Variants in SIRPB2 observed in about 807,000 individuals in gnomAD.
SIRPB2 encodes the protein signal regulatory protein beta 2.
In SIRPB2, 18 loss-of-function variants were observed where a neutral mutation model predicts 27.1. The observed-to-expected ratio is 0.66, with a 90% CI of 0.46 to 0.98. SIRPB2 has a LOEUF of 0.98. SIRPB2 is among the 50% of genes least tolerant of loss of function. SIRPB2 has a pLI of 0.00. For synonymous variants in SIRPB2, 150 were observed against 164.6 expected, an observed-to-expected ratio of 0.91 and a Z score of 0.68; for missense variants, 420 against 417.4, an observed-to-expected ratio of 1.01 and a Z score of -0.06.
intron 1 of SIRPB2, among the ~76,000 whole-genome samples, chr20:1,488,631 G>C (rs979297966): frequency 8.2e-6 from 1 of 122,184 alleles, no homozygotes; most frequent in African/African-American, 3.2e-5. Context: ...CTGGGCAACA[G>C]AGTGAGACCC....
At chr20:1,478,173 G>T in intron 3 of SIRPB2, 93 bp downstream of exon 3, 2 of 1,135,604 alleles carry the variant, frequency 1.8e-6, no homozygotes, top group Non-Finnish European at 1.3e-6. Flanking sequence ...AGACATGGAG[G>T]CTGTGAAGAA....
At chr20:1,483,341 AG>A (rs34459613) in intron 1 of SIRPB2, among the ~76,000 whole-genome samples, 16,423 of 152,168 alleles carry the variant, frequency 0.11, 997 homozygotes, top group Admixed American at 0.18. Context: ...CCCTGACCTC[AG>A]GTGATCTGCC....
chr20:1,480,963 A>G (rs189488883), intron 1 of SIRPB2, among the ~76,000 whole-genome samples: 36 of 152,264 alleles, frequency 2.4e-4, no homozygotes, highest in African/African-American at 8.2e-4. Context: ...TTATCAGCAG[A>G]CTGCAGTTCG....
downstream of SIRPB2, chr20:1,473,760 C>G (rs906201525): frequency 4.2e-5 from 19 of 452,894 alleles, no homozygotes; most frequent in Non-Finnish European, 7.6e-5. Flanking sequence ...CCCTACAGGG[C>G]TAGGGGGCTT....
chr20:1,476,430 TGCTGTATAACCTCTGGA>T, intron 4 of SIRPB2, 94 bp from the exon 5 acceptor site: 2 of 1,272,018 alleles, frequency 1.6e-6, no homozygotes, highest in Non-Finnish European at 2.2e-6. Flanking sequence ...CACATCCTGC[TGCTGTATAACCTCTGGA>T]GCTGTATCCT....
At position 1,476,368 on chromosome 20, in the gene SIRPB2, C is replaced by A. The variant is rs184748088; in HGVS notation, c.860-32G>T. Reference sequence around the variant, plus strand: ...GGCACAGGAGAGAGCTCAGGCGGGACCCGTGGTGAGGGCCCCACAGCCCAC... The same window carrying A: ...GGCACAGGAGAGAGCTCAGGCGGGAACCGTGGTGAGGGCCCCACAGCCCAC... On this transcript the variant is annotated intron_variant, in intron 4 of 4. Transcript: ENST00000359801. The A allele has an allele frequency of 3.8e-4, 612 of 1,591,808 alleles. 6 individuals are homozygous for A. The Admixed American group carries it at 9.9e-3, about 26-fold the overall frequency.
At chr20:1,480,234 G>GCTCAGTTCTCTCTCTGC in intron 1 of SIRPB2, 169 bp from the exon 2 acceptor site, 1 of 861,978 alleles carries the variant, frequency 1.2e-6, no homozygotes, top group Non-Finnish European at 1.7e-6. Flanking sequence ...TGGCTGCAGA[G>GCTCAGTTCTCTCTCTGC]AGAGAACTGA....
rs6131551 is a variant in SIRPB2 at position 1,479,689 on chromosome 20, C to T, written c.451+11G>A. On this transcript the variant is annotated intron_variant, in intron 2 of 4. Coordinates refer to ENST00000359801, the MANE Select transcript of SIRPB2 (RefSeq NM_001122962.2). ...GGAGCAAATGTGTGGTCTGCAGGGCCTGATCCTTACCCTTCACAAGCACTG... is the reference window on the plus strand; with the variant it reads ...GGAGCAAATGTGTGGTCTGCAGGGCTTGATCCTTACCCTTCACAAGCACTG... 6.2e-7 allele frequency: 1 copy of T among 1,612,676 alleles called. No homozygotes were observed. The highest frequency in any genetic ancestry group is 8.5e-7 in the Non-Finnish European group (1 of 1,179,214).
rs370836101 is a variant in SIRPB2 at position 1,482,072 on chromosome 20, T to TA, written c.86-2008dup. Reference sequence around the variant, plus strand: ...TAAAAGCAAGGCCCCAAACTGATTTTAAAAAAAAATAACATTCTATTGTGA... The same window carrying TA: ...TAAAAGCAAGGCCCCAAACTGATTTTAAAAAAAAAATAACATTCTATTGTGA... On this transcript the variant is annotated intron_variant, in intron 1 of 4. Transcript: ENST00000359801. Among the ~76,000 whole-genome samples, 995 of 151,354 alleles carry TA rather than the reference T, an allele frequency of 6.6e-3. 19 individuals are homozygous for TA. The highest frequency in any genetic ancestry group is 0.022 in the African/African-American group (925 of 41,320).
At chr20:1,476,664 T>C (rs1422301164) in intron 4 of SIRPB2, 1 of 1,011,958 alleles carries the variant, frequency 9.9e-7, no homozygotes, top group Non-Finnish European at 1.2e-6. Context: ...AGACCCAGAG[T>C]GGGGAAATGA....
intron 1 of SIRPB2, among the ~76,000 whole-genome samples, chr20:1,490,902 C>T (rs1468987282): frequency 1.3e-5 from 2 of 152,168 alleles, no homozygotes; most frequent in Non-Finnish European, 2.9e-5. Flanking sequence ...ACTATGCAGC[C>T]GGCCCAGGGC....
In SIRPB2 at chr20:1,478,442, T is replaced by C. The variant is rs55693815; in HGVS notation, c.617A>G (p.Asn206Ser). 1 of 1,614,160 alleles carries C rather than the reference T, an allele frequency of 6.2e-7. No homozygotes were observed. Among genetic ancestry groups the C allele is most frequent in the African/African-American group, 1.3e-5 (1 of 75,042 alleles). The change falls in exon 3 of 5, where the codon AAC becomes AGC. Residue 206 changes from asparagine to serine, a missense_variant. Coordinates refer to ENST00000359801, the MANE Select transcript of SIRPB2 (RefSeq NM_001122962.2). ...CTTGGGGTGGGAGATGCCTCCAAAGTTGTAAATGGCCTCCCGGCTCAGACC... is the reference window on the plus strand; with the variant it reads ...CTTGGGGTGGGAGATGCCTCCAAAGCTGTAAATGGCCTCCCGGCTCAGACC... ...GAGLSREAIY[N>S]FGGISHPKET... is the part of the protein sequence containing the mutation.
downstream of SIRPB2, among the ~76,000 whole-genome samples, chr20:1,474,400 G>A (rs1298793320): frequency 6.6e-6 from 1 of 152,092 alleles, no homozygotes; most frequent in Non-Finnish European, 1.5e-5. Flanking sequence ...CGCTGGCTTA[G>A]TTCAAGCTGT....
At chr20:1,487,064 A>G (rs527705247) in intron 1 of SIRPB2, among the ~76,000 whole-genome samples, 1 of 152,346 alleles carries the variant, frequency 6.6e-6, no homozygotes, top group East Asian at 1.9e-4. Flanking sequence ...CATAATTAAA[A>G]TTTAAATGAA....
chr20:1,472,292 G>C (rs986551568), downstream of SIRPB2, among the ~76,000 whole-genome samples: 1 of 152,154 alleles, frequency 6.6e-6, no homozygotes, highest in Non-Finnish European at 1.5e-5. Context: ...GAGTCCCCAC[G>C]AAGGGCCTTA....
chr20:1,483,254 A>G lies in SIRPB2; in HGVS notation c.86-3189T>C, dbSNP rs114365716. Among the ~76,000 whole-genome samples the G allele has an allele frequency of 7.4e-3, 1,133 of 152,118 alleles. 25 individuals are homozygous for G. Among genetic ancestry groups the G allele is most frequent in the African/African-American group, 0.026 (1,098 of 41,506 alleles). On this transcript the variant is annotated intron_variant, in intron 1 of 4. Coordinates refer to ENST00000359801, the MANE Select transcript of SIRPB2 (RefSeq NM_001122962.2). ...CCTGAGTAGCTGGGATTACAGGCAC[A>G]TGACACTACACTTGGCTAATGTTTG...
At chr20:1,478,220 A>T in intron 3 of SIRPB2, 46 bp downstream of exon 3, 1 of 1,571,480 alleles carries the variant, frequency 6.4e-7, no homozygotes, top group Non-Finnish European at 8.7e-7. Context: ...ATTCCTGTTG[A>T]ATACCTGCTC....
chr20:1,486,043 A>T (rs1250054303), intron 1 of SIRPB2, among the ~76,000 whole-genome samples: 1 of 150,822 alleles, frequency 6.6e-6, no homozygotes, highest in Non-Finnish European at 1.5e-5. Context: ...TTCATTTGTG[A>T]ATTTTCCATA....
downstream of SIRPB2, chr20:1,473,733 G>A (rs1328722661): frequency 4.8e-6 from 2 of 420,116 alleles, no homozygotes; most frequent in Non-Finnish European, 9.6e-6. Flanking sequence ...GGGTGGCAGG[G>A]ACCAGCTCAT....
Sources: allele counts gnomAD v4.1 joint callset (sites outside exome capture counted in the v4.1 genomes callset), GRCh38; gene constraint gnomAD v4.1.1; transcripts MANE v1.5; gene names NCBI Gene and HGNC (gene_info 2026-07-23, HGNC 2026-07-21).